The following TOLLIP variants were observed in gnomAD, a reference collection of about 807,000 sequenced individuals.
The protein encoded by TOLLIP is toll-interacting protein.
A neutral mutation model predicts 33.5 loss-of-function variants in TOLLIP; 16 were observed. The observed-to-expected ratio is 0.48, with a 90% CI of 0.32 to 0.72. TOLLIP has a LOEUF of 0.72. Among genes scored for constraint, TOLLIP ranks in the 30% least tolerant of loss-of-function variants. The pLI, the probability that TOLLIP is intolerant of heterozygous loss-of-function variation, is 0.03. For synonymous variants in TOLLIP, 176 were observed against 163.7 expected (o/e 1.07, Z -0.57); for missense variants, 325 against 396.6 (o/e 0.82, Z 1.53).
In TOLLIP at chr11:1,286,009, G is replaced by A. The variant is rs751369813; in HGVS notation, c.603C>T (p.Pro201=). 25 of 1,592,360 alleles carry A rather than the reference G, an allele frequency of 1.6e-5. No homozygotes were observed. The highest frequency in any genetic ancestry group is 1.7e-4 in the Middle Eastern group (1 of 6,048). The change falls in exon 5 of 6, where the codon CCC becomes CCT. Residue 201 remains proline (P), a synonymous_variant. Coordinates refer to ENST00000317204, the MANE Select transcript of TOLLIP (RefSeq NM_019009.4). ...TVYQQGVGYV[P]ITGMPAVCSP... ...GGGAGGGAGCACACGCACCTGTGAT[G>A]GGCACATAGCCAACGCCCTGCTGGT...
At position 1,276,989 on chromosome 11, in the gene TOLLIP, G is replaced by T; in HGVS notation, c.*50C>A. ...GGGACAGCATTCCTTGGGGAGCGCC[G>T]GGTCGGCGTGTCCAAAGAGCGGGGG... On this transcript the variant is annotated 3_prime_UTR_variant, in exon 6 of 6. Transcript: ENST00000317204. 6.3e-7 allele frequency: 1 copy of T among 1,598,080 alleles called. No homozygotes were observed.
intron 5 of TOLLIP, chr11:1,283,474 CA>C (rs999134152): frequency 2.6e-6 from 1 of 390,078 alleles, no homozygotes; most frequent in Non-Finnish European, 5.0e-6. Flanking sequence ...CATGCCTGGG[CA>C]TGGGGGCTGG....
chr11:1,292,868 C>A (rs1005954484), intron 2 of TOLLIP, among the ~76,000 whole-genome samples: 1 of 152,234 alleles, frequency 6.6e-6, no homozygotes, highest in Non-Finnish European at 1.5e-5. Flanking sequence ...GCTGCAGGAT[C>A]TGGAGGAAGA....
At chr11:1,292,985 C>T (rs1863999285) in intron 2 of TOLLIP, among the ~76,000 whole-genome samples, 2 of 152,182 alleles carry the variant, frequency 1.3e-5, no homozygotes, top group African/African-American at 2.4e-5. Flanking sequence ...ACAGTGCCCA[C>T]GAGAAAGGCC....
intron 5 of TOLLIP, chr11:1,283,342 G>A (rs1863566622): frequency 2.9e-6 from 1 of 341,992 alleles, no homozygotes. Context: ...GAGGGCCAGT[G>A]ACCCCGGCCT....
Position 1,278,233 on chromosome 11 carries a change from G to A in TOLLIP, c.611-980C>T, listed in dbSNP as rs570446266. Among the ~76,000 whole-genome samples, 196 of 151,816 alleles carry A rather than the reference G, an allele frequency of 1.3e-3. No individual in the cohort carries two copies. The highest frequency in any genetic ancestry group is 4.6e-3 in the African/African-American group (191 of 41,184). ...CACAGAGCACAGGCAGCGTGCGCGG[G>A]GCTCGGCGACCAGCGAGGCACAGAG... On this transcript the variant is annotated intron_variant, in intron 5 of 5. Coordinates refer to ENST00000317204, the MANE Select transcript of TOLLIP (RefSeq NM_019009.4). This position sits in a 1 kb window ranked among gnomAD's most constrained non-coding sequence, Gnocchi z 4.7.
At chr11:1,283,380 A>G (rs1196383259) in intron 5 of TOLLIP, 4 of 352,342 alleles carry the variant, frequency 1.1e-5, no homozygotes, top group East Asian at 1.6e-4. Context: ...ACGGGCTCCA[A>G]GCAGGGTACA....
intron 1 of TOLLIP, among the ~76,000 whole-genome samples, chr11:1,302,272 A>G (rs1864302789): frequency 6.6e-6 from 1 of 152,248 alleles, no homozygotes; most frequent in Non-Finnish European, 1.5e-5. Flanking sequence ...GGCCGTGGGC[A>G]GTCAGGACAG....
chr11:1,301,620 C>T (rs568537938), intron 1 of TOLLIP, among the ~76,000 whole-genome samples: 2 of 152,298 alleles, frequency 1.3e-5, no homozygotes, highest in Admixed American at 6.5e-5. Flanking sequence ...GGGTCAATAT[C>T]ACCCCCACAT....
intron 1 of TOLLIP, among the ~76,000 whole-genome samples, chr11:1,307,618 C>A (rs1864453282): frequency 6.6e-6 from 1 of 152,244 alleles, no homozygotes; most frequent in African/African-American, 2.4e-5. Flanking sequence ...ACCATGCCCC[C>A]CTGCTCTCCA....
At position 1,274,798 on chromosome 11, in the gene TOLLIP, T is replaced by A. The variant is rs1863232661; in HGVS notation, c.*2241A>T. 1 of 152,172 alleles carries A rather than the reference T, an allele frequency of 6.6e-6. No individual in the cohort carries two copies. The highest frequency in any genetic ancestry group is 2.4e-5 in the African/African-American group (1 of 41,432). The allele number at this position is 152,172 out of a possible 1,614,324, so 9.4% of individuals were successfully genotyped here. A position where few individuals can be genotyped will look rare whatever the true frequency, so the allele number is the denominator to read the frequency against. On this transcript the variant is annotated 3_prime_UTR_variant, in exon 6 of 6. Coordinates refer to ENST00000317204, the MANE Select transcript of TOLLIP (RefSeq NM_019009.4). Reference sequence around the variant, plus strand: ...CTCCCAAACCCACTGCAGCCTCCCCTTGTGAGCTGGCAGACAAGCCTGTCC... The same window carrying A: ...CTCCCAAACCCACTGCAGCCTCCCCATGTGAGCTGGCAGACAAGCCTGTCC...
chr11:1,281,793 CTG>C (rs1863507969), intron 5 of TOLLIP, among the ~76,000 whole-genome samples: 1 of 152,266 alleles, frequency 6.6e-6, no homozygotes, highest in Admixed American at 6.5e-5. Context: ...ACACTTGAAA[CTG>C]TGGGCGACAC....
chr11:1,309,412 C>G, intron 1 of TOLLIP, 54 bp downstream of exon 1: 1 of 1,128,434 alleles, frequency 8.9e-7, no homozygotes, highest in Non-Finnish European at 1.1e-6. Flanking sequence ...ACCCAAGGCC[C>G]CGCCCGCAAC....
intron 1 of TOLLIP, among the ~76,000 whole-genome samples, chr11:1,308,596 A>G (rs1864483056): frequency 1.3e-5 from 2 of 152,264 alleles, no homozygotes; most frequent in Non-Finnish European, 2.9e-5. Context: ...CTCTCCTGCA[A>G]TATTAATGCT....
chr11:1,280,520 G>C (rs903735876), intron 5 of TOLLIP, among the ~76,000 whole-genome samples: 1 of 152,070 alleles, frequency 6.6e-6, no homozygotes, highest in Non-Finnish European at 1.5e-5. Context: ...GGGGGCAGCA[G>C]AGAAAAGAGA....
rs1251498699 is a variant in TOLLIP at position 1,295,724 on chromosome 11, A to T, written c.104T>A (p.Leu35Gln). 6.2e-7 allele frequency: 1 copy of T among 1,608,560 alleles called. No homozygotes were observed. The highest frequency in any genetic ancestry group is 8.5e-7 in the Non-Finnish European group (1 of 1,178,156). Residue 35 changes from leucine (L) to glutamine (Q), a missense_variant, in exon 2 of 6, where the codon CTG (leucine) becomes CAG (glutamine). By Grantham distance (113) the Leu-to-Gln change is moderately radical. Transcript: ENST00000317204. Reference sequence around the variant, plus strand: ...CAGCTGCTGGGCCGCCTGGGCGTCCAGCTGGACCTGCCGCTGCTGCTGTGT... The same window carrying T: ...CAGCTGCTGGGCCGCCTGGGCGTCCTGCTGGACCTGCCGCTGCTGCTGTGT... ...TPTQQQRQVQLDAQAAQQLQY... is the reference protein window; with the variant it reads ...TPTQQQRQVQQDAQAAQQLQY...
intron 1 of TOLLIP, among the ~76,000 whole-genome samples, chr11:1,300,569 G>A (rs575170466): frequency 6.6e-6 from 1 of 152,346 alleles, no homozygotes; most frequent in Admixed American, 6.5e-5. Flanking sequence ...TCCTGTTGGT[G>A]ACACGTCTCC....
At chr11:1,291,710 C>G (rs1165774107) in intron 2 of TOLLIP, 4 of 166,954 alleles carry the variant, frequency 2.4e-5, no homozygotes, top group African/African-American at 4.9e-5. Context: ...TCCTCGCTGA[C>G]CCCCCTCTGA....
intron 1 of TOLLIP, chr11:1,302,809 T>G: frequency 4.1e-6 from 4 of 985,004 alleles, no homozygotes; most frequent in Non-Finnish European, 4.8e-6. Flanking sequence ...AGTGGTGACT[T>G]TGTCCCCAGT....
Sources: gnomAD v4.1 joint callset for allele counts (sites outside exome capture counted in the v4.1 genomes callset) on GRCh38, gnomAD v4.1.1 for gene constraint, Gnocchi (gnomAD v3.1) non-coding constraint, MANE v1.5 for transcripts, NCBI Gene and HGNC (gene_info 2026-07-23, HGNC 2026-07-21) for gene names.